The following GNPAT variants were observed in gnomAD, a reference collection of about 807,000 sequenced individuals.
GNPAT encodes glyceronephosphate O-acyltransferase.
GNPAT carries 30 observed loss-of-function variants against 78.4 expected under a neutral mutation model. The ratio of observed to expected loss-of-function variants is 0.38; its 90% confidence interval spans 0.29 to 0.52. The LOEUF (loss-of-function observed/expected upper bound fraction) is 0.52. Ranked by LOEUF, GNPAT falls within the 20% of genes least tolerant of loss-of-function variation. The pLI, the probability that GNPAT is intolerant of heterozygous loss-of-function variation, is 0.84. For missense variants in GNPAT, 714 were observed against 812.2 expected, an observed-to-expected ratio of 0.88 and a Z score of 1.47; for synonymous variants, 271 against 281.1, an observed-to-expected ratio of 0.96 and a Z score of 0.36.
chr1:231,269,144 A>G (rs1035502304), intron 9 of GNPAT, among the ~76,000 whole-genome samples: 4 of 152,014 alleles, frequency 2.6e-5, no homozygotes, highest in African/African-American at 7.2e-5. Flanking sequence ...GTGAGGGTTC[A>G]GTGAACAGAG....
chr1:231,266,232 T>C (rs1163435624), intron 7 of GNPAT, 45 bp from the exon 8 acceptor site: 2 of 1,613,796 alleles, frequency 1.2e-6, no homozygotes, highest in Middle Eastern at 3.3e-4. Flanking sequence ...AATTTCTAAA[T>C]TTACTGCTTT....
intron 1 of GNPAT, among the ~76,000 whole-genome samples, chr1:231,247,113 C>A (rs561968501): frequency 6.6e-6 from 1 of 151,888 alleles, no homozygotes; most frequent in East Asian, 1.9e-4. Flanking sequence ...TTGCAGTGAG[C>A]TGAGATCGTG....
intron 2 of GNPAT, among the ~76,000 whole-genome samples, chr1:231,257,998 C>T (rs1006765446): frequency 6.6e-6 from 1 of 152,160 alleles, no homozygotes; most frequent in African/African-American, 2.4e-5. Context: ...TTGTTTGGCT[C>T]TGTACCATCT....
At chr1:231,248,856 T>C (rs892417177) in intron 1 of GNPAT, among the ~76,000 whole-genome samples, 1 of 152,218 alleles carries the variant, frequency 6.6e-6, no homozygotes, top group African/African-American at 2.4e-5. Context: ...GTTTGTAGCC[T>C]AGGAGCAATA....
intron 15 of GNPAT, among the ~76,000 whole-genome samples, chr1:231,276,877 C>G (rs1003843050): frequency 6.6e-6 from 1 of 152,100 alleles, no homozygotes; most frequent in African/African-American, 2.4e-5. Context: ...GCGTGATGTC[C>G]TTGAGTGGAT....
intron 1 of GNPAT, among the ~76,000 whole-genome samples, chr1:231,246,636 T>A (rs1412516726): frequency 1.3e-5 from 2 of 152,204 alleles, no homozygotes; most frequent in Admixed American, 6.5e-5. Context: ...CCATGTAAAT[T>A]TACTTACTTA....
intron 4 of GNPAT, among the ~76,000 whole-genome samples, chr1:231,265,083 T>A (rs749606153): frequency 2.0e-5 from 3 of 152,232 alleles, no homozygotes; most frequent in Non-Finnish European, 4.4e-5. Context: ...CCAGGCACAG[T>A]GGCTTATGCC....
chr1:231,263,790 G>A (rs1685294182), intron 4 of GNPAT, among the ~76,000 whole-genome samples: 1 of 152,090 alleles, frequency 6.6e-6, no homozygotes, highest in Non-Finnish European at 1.5e-5. Context: ...TAATTTTAAT[G>A]AGTGTGAAGT....
chr1:231,266,093 T>C lies in GNPAT; in HGVS notation c.852T>C (p.Tyr284=). 1 of 1,611,938 alleles carries C rather than the reference T, an allele frequency of 6.2e-7. No individual in the cohort carries two copies. The highest frequency in any genetic ancestry group is 8.5e-7 in the Non-Finnish European group (1 of 1,178,096). The change falls in exon 7 of 16, where the codon TAT becomes TAC. Residue 284 remains tyrosine, a synonymous_variant. Coordinates refer to ENST00000366647, the MANE Select transcript of GNPAT (RefSeq NM_014236.4). ...ACCTTGTCCCAATTAGTATCAGTTA[T>C]GATAAGATCTTGGAAGAAACTCTTT... is the stretch of plus-strand genomic sequence containing the variant. ...DTYLVPISIS[Y]DKILEETLYV...
At chr1:231,250,304 A>C (rs114691988) in intron 1 of GNPAT, among the ~76,000 whole-genome samples, 37 of 152,090 alleles carry the variant, frequency 2.4e-4, no homozygotes, top group African/African-American at 7.7e-4. Flanking sequence ...GGTGGTATGC[A>C]CTTGTAATCC....
rs1025888940 is a variant in GNPAT, at chr1:231,261,089, G to T, written c.438+406G>T. Among the ~76,000 whole-genome samples the T allele has an allele frequency of 2.6e-5, 4 of 152,004 alleles. No individual in the cohort carries two copies. In the South Asian group the frequency reaches 8.3e-4, roughly 31 times the overall value. On this transcript the variant is annotated intron_variant, in intron 3 of 15. Coordinates refer to ENST00000366647, the MANE Select transcript of GNPAT (RefSeq NM_014236.4). ...TGCTGTGTTTTTCCTATAATTAAGG[G>T]CATTATCTTATGGTACAAGTATCAA...
chr1:231,270,804 T>C lies in GNPAT; in HGVS notation c.1326T>C (p.His442=). ...EEVVPASILL[H]SNIASLVKDQ... is the part of the protein sequence containing the mutation. ...TTGTCCCGGCCAGCATTCTTCTGCA[T>C]TCCAACATTGCCAGCCTTGTCAAAG... Residue 442 remains histidine (H), a synonymous_variant, in exon 10 of 16, where the codon CAT becomes CAC. Coordinates refer to ENST00000366647, the MANE Select transcript of GNPAT (RefSeq NM_014236.4). The C allele has an allele frequency of 6.2e-7, 1 of 1,614,096 alleles. No individual in the cohort carries two copies. Among genetic ancestry groups the C allele is most frequent in the Non-Finnish European group, 8.5e-7 (1 of 1,179,930 alleles).
At chr1:231,264,425 C>T (rs1685316413) in intron 4 of GNPAT, among the ~76,000 whole-genome samples, 3 of 152,144 alleles carry the variant, frequency 2.0e-5, no homozygotes, top group South Asian at 2.1e-4. Flanking sequence ...CCTGTAAGAT[C>T]GATTCCTAAA....
intron 2 of GNPAT, chr1:231,258,431 C>G (rs1476894502): frequency 6.6e-6 from 1 of 152,130 alleles, no homozygotes; most frequent in Non-Finnish European, 1.5e-5. Context: ...CCCCTGTGGT[C>G]GGAAGTCATC....
In GNPAT at chr1:231,270,811, A is replaced by G. The variant is rs1302371315; in HGVS notation, c.1333A>G (p.Ile445Val). 1 of 1,614,092 alleles carries G rather than the reference A, an allele frequency of 6.2e-7. No homozygotes were observed. The highest frequency in any genetic ancestry group is 8.5e-7 in the Non-Finnish European group (1 of 1,179,952). ...GGCCAGCATTCTTCTGCATTCCAACATTGCCAGCCTTGTCAAAGACCAGGT... is the reference window on the plus strand; with the variant it reads ...GGCCAGCATTCTTCTGCATTCCAACGTTGCCAGCCTTGTCAAAGACCAGGT... ...VPASILLHSN[I>V]ASLVKDQVIL... The change falls in exon 10 of 16, where the codon ATT (isoleucine) becomes GTT (valine). Residue 445 changes from isoleucine (I) to valine (V), a missense_variant. Transcript: ENST00000366647.
chr1:231,242,933 T>C (rs1684653742), intron 1 of GNPAT, among the ~76,000 whole-genome samples: 1 of 152,262 alleles, frequency 6.6e-6, no homozygotes, highest in Admixed American at 6.5e-5. Context: ...AACCTTTACT[T>C]CCACGGTAAC....
intron 1 of GNPAT, among the ~76,000 whole-genome samples, chr1:231,250,616 C>G (rs1684868207): frequency 6.6e-6 from 1 of 152,094 alleles, no homozygotes; most frequent in Non-Finnish European, 1.5e-5. Context: ...GCAAATGGAA[C>G]AGGTTTGTCA....
chr1:231,273,403 C>A (rs1256058758), intron 11 of GNPAT, among the ~76,000 whole-genome samples: 1 of 151,940 alleles, frequency 6.6e-6, no homozygotes, highest in Non-Finnish European at 1.5e-5. Context: ...AGGCGCCCAC[C>A]ACTACGCCCG....
chr1:231,262,684 AC>A, intron 3 of GNPAT, 38 bp from the exon 4 acceptor site: 1 of 1,533,764 alleles, frequency 6.5e-7, no homozygotes, highest in Non-Finnish European at 9.0e-7. Flanking sequence ...TGATAACATG[AC>A]AACTGAAATT....
Sources: allele counts gnomAD v4.1 joint callset (sites outside exome capture counted in the v4.1 genomes callset), GRCh38; gene constraint gnomAD v4.1.1; transcripts MANE v1.5; gene names NCBI Gene and HGNC (gene_info 2026-07-23, HGNC 2026-07-21).